The following NRG1 variants were observed in gnomAD, a reference collection of about 807,000 sequenced individuals.
NRG1 encodes pro-neuregulin-1, membrane-bound isoform.
Under a neutral mutation model 63.8 loss-of-function variants are expected in NRG1, and 18 were observed. The observed-to-expected ratio is 0.28, with a 90% CI of 0.19 to 0.42. The LOEUF (loss-of-function observed/expected upper bound fraction) is 0.42. Among genes scored for constraint, NRG1 ranks in the 10% least tolerant of loss-of-function variants. NRG1 has a pLI of 1.00. For synonymous variants in NRG1, 302 were observed against 301.3 expected, an observed-to-expected ratio of 1.00 and a Z score of -0.02; for missense variants, 762 against 814.7, an observed-to-expected ratio of 0.94 and a Z score of 0.79.
At chr8:32,408,556 G>T (rs1371756805) in intron 1 of NRG1, among the ~76,000 whole-genome samples, 1 of 151,902 alleles carries the variant, frequency 6.6e-6, no homozygotes, top group East Asian at 1.9e-4. Flanking sequence ...TGCTTGGTCT[G>T]GTGGCTACTG....
chr8:31,917,475 T>C (rs948842167), intron 1 of NRG1, among the ~76,000 whole-genome samples: 9 of 150,700 alleles, frequency 6.0e-5, no homozygotes, highest in African/African-American at 2.2e-4. Flanking sequence ...CCTTTCCCCA[T>C]TGCTTGTTTT....
chr8:32,425,302 A>C (rs1817221409), intron 1 of NRG1, among the ~76,000 whole-genome samples: 2 of 152,218 alleles, frequency 1.3e-5, no homozygotes, highest in Non-Finnish European at 2.9e-5. Flanking sequence ...TAATAGCTGT[A>C]GTAGAGTCCT....
intron 1 of NRG1, among the ~76,000 whole-genome samples, chr8:32,122,885 T>C (rs1833648726): frequency 6.6e-6 from 1 of 151,962 alleles, no homozygotes; most frequent in Non-Finnish European, 1.5e-5. Flanking sequence ...TTTGGTTTTT[T>C]GTCTTTGCGA....
At chr8:31,777,007 G>A (rs928937805) in intron 1 of NRG1, among the ~76,000 whole-genome samples, 2 of 152,140 alleles carry the variant, frequency 1.3e-5, no homozygotes, top group East Asian at 1.9e-4. Context: ...CAGGGATCTA[G>A]AACTAGAAAT....
intron 5 of NRG1, chr8:32,722,135 G>C (rs995721033): frequency 8.4e-6 from 9 of 1,066,376 alleles, no homozygotes; most frequent in Non-Finnish European, 1.1e-5. Flanking sequence ...AAATGGCGTA[G>C]AGTTATTTGG....
At chr8:32,696,059 T>TC (rs1813217809) in intron 5 of NRG1, among the ~76,000 whole-genome samples, 1 of 152,178 alleles carries the variant, frequency 6.6e-6, no homozygotes, top group Non-Finnish European at 1.5e-5. Context: ...TGTCTGCTCT[T>TC]CCCCTCTTCA....
At chr8:32,678,422 C>G (rs1183447244) in intron 5 of NRG1, among the ~76,000 whole-genome samples, 1 of 152,080 alleles carries the variant, frequency 6.6e-6, no homozygotes, top group Non-Finnish European at 1.5e-5. Context: ...TTTTGGTCCT[C>G]TAGCCTACCT....
At chr8:32,716,089 A>G (rs1439980246) in intron 5 of NRG1, among the ~76,000 whole-genome samples, 1 of 152,224 alleles carries the variant, frequency 6.6e-6, no homozygotes, top group Non-Finnish European at 1.5e-5. Context: ...GGTGGGATTC[A>G]GAAGTGTAGC....
intron 1 of NRG1, among the ~76,000 whole-genome samples, chr8:32,029,851 A>C (rs1317527315): frequency 6.6e-6 from 1 of 152,136 alleles, no homozygotes; most frequent in Non-Finnish European, 1.5e-5. Flanking sequence ...GGTTTGTAAA[A>C]AAAAAAGCCA....
At chr8:32,638,549 G>T (rs2129545327) in intron 5 of NRG1, among the ~76,000 whole-genome samples, 1 of 152,130 alleles carries the variant, frequency 6.6e-6, no homozygotes, top group African/African-American at 2.4e-5. Context: ...GCTGGTCTCG[G>T]ACTCCTGGCC....
chr8:31,866,994 G>A (rs1829017522), intron 1 of NRG1, among the ~76,000 whole-genome samples: 1 of 152,136 alleles, frequency 6.6e-6, no homozygotes, highest in Non-Finnish European at 1.5e-5. Flanking sequence ...AACAATTTTA[G>A]GATGTCAAGT....
At chr8:32,478,518 G>A (rs998935299) in intron 1 of NRG1, among the ~76,000 whole-genome samples, 4 of 152,130 alleles carry the variant, frequency 2.6e-5, no homozygotes, top group African/African-American at 7.2e-5. Context: ...AAGCAAACAA[G>A]CCAAAAAGAA....
chr8:31,722,933 A>T (rs1486118529), intron 1 of NRG1, among the ~76,000 whole-genome samples: 1 of 152,158 alleles, frequency 6.6e-6, no homozygotes, highest in South Asian at 2.1e-4. Context: ...GGTGACCATG[A>T]TATATAAAGT....
chr8:32,415,206 A>C (rs893852147), intron 1 of NRG1, among the ~76,000 whole-genome samples: 1 of 151,996 alleles, frequency 6.6e-6, no homozygotes, highest in African/African-American at 2.4e-5. Context: ...TCAGGAGTTC[A>C]AGAACAGCCT....
intron 1 of NRG1, among the ~76,000 whole-genome samples, chr8:32,284,977 C>T (rs571676215): frequency 6.6e-6 from 1 of 152,258 alleles, no homozygotes; most frequent in African/African-American, 2.4e-5. Context: ...ATAACATTTT[C>T]CTTTGCACCT....
chr8:31,937,688 G>C (rs182839425), intron 1 of NRG1, among the ~76,000 whole-genome samples: 2 of 152,284 alleles, frequency 1.3e-5, no homozygotes, highest in Non-Finnish European at 2.9e-5. Context: ...GTGGGAGTGA[G>C]ACCGGCCTTT....
chr8:32,196,129 G>GTGTGTGTGTGTGTGTGTGTGTGTGTT (rs1202792698), intron 1 of NRG1, among the ~76,000 whole-genome samples: 2 of 151,656 alleles, frequency 1.3e-5, no homozygotes, highest in East Asian at 3.9e-4. Flanking sequence ...GTGTGTGTGT[G>GTGTGTGTGTGTGTGTGTGTGTGTGTT]TGTGTGTGTG....
chr8:32,692,673 G>GT lies in NRG1; in HGVS notation c.503-35275dup, dbSNP rs373753505. Among the ~76,000 whole-genome samples the GT allele has an allele frequency of 1.3e-3, 201 of 152,316 alleles. 1 individual carries two copies. Among genetic ancestry groups the GT allele is most frequent in the African/African-American group, 4.7e-3 (196 of 41,568 alleles). On this transcript the variant is annotated intron_variant, in intron 5 of 11. Transcript: ENST00000356819. ...GGCCCAAATGAGCTTTCTCTTTTAAGTAGCAGAAAAATAACAAAAGCAGAG... is the reference window on the plus strand; with the variant it reads ...GGCCCAAATGAGCTTTCTCTTTTAAGTTAGCAGAAAAATAACAAAAGCAGAG...
intron 1 of NRG1, among the ~76,000 whole-genome samples, chr8:31,808,132 T>C (rs979942276): frequency 4.6e-5 from 7 of 152,154 alleles, no homozygotes; most frequent in South Asian, 2.1e-4. Context: ...AAATATTTTG[T>C]TCCAATTTTA....
Sources: allele counts gnomAD v4.1 joint callset (sites outside exome capture counted in the v4.1 genomes callset), GRCh38; gene constraint gnomAD v4.1.1; transcripts MANE v1.5; gene names NCBI Gene and HGNC (gene_info 2026-07-23, HGNC 2026-07-21).